The following SYN3 variants were observed in gnomAD, a reference collection of about 807,000 sequenced individuals.
SYN3 encodes synapsin-3.
A neutral mutation model predicts 65.8 loss-of-function variants in SYN3; 35 were observed. The ratio of observed to expected loss-of-function variants is 0.53; its 90% CI spans 0.41 to 0.70. The LOEUF (loss-of-function observed/expected upper bound fraction) is 0.70, where lower values mean the gene tolerates loss of function less well. Among genes scored for constraint, SYN3 ranks in the 30% least tolerant of loss-of-function variants. The pLI is 0.00. For synonymous variants in SYN3, 270 were observed against 292.9 expected (o/e 0.92, Z 0.80); for missense variants, 680 against 749.0 (o/e 0.91, Z 1.08).
At chr22:33,013,452 C>G (rs1222572339) in intron 1 of SYN3, among the ~76,000 whole-genome samples, 1 of 152,032 alleles carries the variant, frequency 6.6e-6, no homozygotes, top group Non-Finnish European at 1.5e-5. Context: ...AATTGACAAG[C>G]AATAATTATA....
At chr22:32,642,755 C>T (rs1223911220) in intron 6 of SYN3, among the ~76,000 whole-genome samples, 1 of 151,958 alleles carries the variant, frequency 6.6e-6, no homozygotes, top group Non-Finnish European at 1.5e-5. Context: ...ATGGGGGTCT[C>T]ACTATGTTGC....
At chr22:32,684,937 T>A (rs112228265) in intron 6 of SYN3, among the ~76,000 whole-genome samples, 1 of 152,148 alleles carries the variant, frequency 6.6e-6, no homozygotes, top group Non-Finnish European at 1.5e-5. Context: ...GAGGACGAAA[T>A]GAGATAAAGT....
chr22:32,544,024 G>A lies in SYN3; in HGVS notation c.775-2311C>T, dbSNP rs564034121. 8.5e-5 allele frequency among the ~76,000 whole-genome samples: 13 copies of A among 152,226 alleles called. No homozygotes were observed. The East Asian group carries it at 2.5e-3, about 30-fold the overall frequency. On this transcript the variant is annotated intron_variant, in intron 7 of 13. Coordinates refer to ENST00000358763, the MANE Select transcript of SYN3 (RefSeq NM_003490.4). ...CATGATCATGGCTCACTGCAGCCTT[G>A]ACTTCCTGAGCTCAAGCAATTCTCC...
intron 6 of SYN3, among the ~76,000 whole-genome samples, chr22:32,796,105 C>T (rs1268649503): frequency 6.6e-6 from 1 of 152,208 alleles, no homozygotes; most frequent in African/African-American, 2.4e-5. Context: ...ACTCCACGGG[C>T]ATAAGGAAGA....
chr22:32,903,362 A>T (rs536755663), intron 4 of SYN3, among the ~76,000 whole-genome samples: 5 of 152,284 alleles, frequency 3.3e-5, no homozygotes, highest in African/African-American at 9.6e-5. Flanking sequence ...TCGTTTTTTT[A>T]AAAAATACCC....
chr22:33,014,248 T>C (rs960202072), intron 1 of SYN3, among the ~76,000 whole-genome samples: 2 of 152,140 alleles, frequency 1.3e-5, no homozygotes, highest in East Asian at 1.9e-4. Flanking sequence ...TGGTATTCCA[T>C]CGTGTGTATA....
intron 6 of SYN3, among the ~76,000 whole-genome samples, chr22:32,612,958 AT>A (rs1317326859): frequency 6.6e-6 from 1 of 152,170 alleles, no homozygotes; most frequent in African/African-American, 2.4e-5. Context: ...TGATCGGATC[AT>A]GGGGGCAGAT....
intron 12 of SYN3, among the ~76,000 whole-genome samples, chr22:32,521,560 C>T (rs1009251456): frequency 6.7e-6 from 1 of 149,972 alleles, no homozygotes; most frequent in Non-Finnish European, 1.5e-5. Flanking sequence ...GATTCTCCTG[C>T]CTCAGCCTCT....
At chr22:32,869,368 C>G (rs2048782122) in intron 4 of SYN3, among the ~76,000 whole-genome samples, 1 of 97,942 alleles carries the variant, frequency 1.0e-5, no homozygotes. Context: ...CTCTCTCTCT[C>G]ACAGGCTCTT....
chr22:32,655,862 C>T (rs1231045333), intron 6 of SYN3, among the ~76,000 whole-genome samples: 1 of 152,162 alleles, frequency 6.6e-6, no homozygotes, highest in Non-Finnish European at 1.5e-5. Flanking sequence ...CCTCCCCATC[C>T]CTGGTCAGTG....
intron 6 of SYN3, among the ~76,000 whole-genome samples, chr22:32,764,461 C>T (rs934867859): frequency 6.6e-6 from 1 of 152,158 alleles, no homozygotes; most frequent in Non-Finnish European, 1.5e-5. Flanking sequence ...GACCCAACAG[C>T]CTCACTGCTG....
intron 6 of SYN3, among the ~76,000 whole-genome samples, chr22:32,598,085 T>C (rs1200391361): frequency 6.6e-6 from 1 of 152,214 alleles, no homozygotes; most frequent in African/African-American, 2.4e-5. Context: ...CTTCCTTCCA[T>C]GTGGACCATT....
At chr22:33,000,025 G>C (rs560599322) in intron 2 of SYN3, among the ~76,000 whole-genome samples, 1 of 152,240 alleles carries the variant, frequency 6.6e-6, no homozygotes, top group African/African-American at 2.4e-5. Flanking sequence ...AGAGAACTGA[G>C]TTTGATATCA....
At chr22:32,675,245 T>C (rs1285013704) in intron 6 of SYN3, among the ~76,000 whole-genome samples, 1 of 152,254 alleles carries the variant, frequency 6.6e-6, no homozygotes, top group East Asian at 1.9e-4. Context: ...CTTGTGGGTT[T>C]GTTAATTTAC....
At chr22:32,699,976 G>T (rs1000744111) in intron 6 of SYN3, among the ~76,000 whole-genome samples, 1 of 152,112 alleles carries the variant, frequency 6.6e-6, no homozygotes, top group South Asian at 2.1e-4. Context: ...GGGATAATGG[G>T]ACCAGAGAAG....
At chr22:32,917,741 G>A (rs1039186803) in intron 4 of SYN3, among the ~76,000 whole-genome samples, 1 of 152,244 alleles carries the variant, frequency 6.6e-6, no homozygotes, top group Non-Finnish European at 1.5e-5. Flanking sequence ...TGTCGGACCC[G>A]AGCTCTCTCT....
chr22:32,569,422 T>TCTATCTAC (rs1402228076), intron 7 of SYN3, among the ~76,000 whole-genome samples: 27 of 151,216 alleles, frequency 1.8e-4, no homozygotes, highest in Admixed American at 1.7e-3. Context: ...TATCTATCTA[T>TCTATCTAC]CTATCTATCT....
At chr22:32,809,372 T>C (rs954381300) in intron 6 of SYN3, among the ~76,000 whole-genome samples, 1 of 152,356 alleles carries the variant, frequency 6.6e-6, no homozygotes, top group South Asian at 2.1e-4. Flanking sequence ...GTCAGTCTGC[T>C]TATCTTTGGT....
intron 7 of SYN3, among the ~76,000 whole-genome samples, chr22:32,555,196 G>A (rs191763260): frequency 1.7e-4 from 26 of 152,260 alleles, no homozygotes; most frequent in African/African-American, 5.8e-4. Context: ...TGAGGTTGAT[G>A]CTGAAACTCA....
Sources: allele counts gnomAD v4.1 joint callset (sites outside exome capture counted in the v4.1 genomes callset), GRCh38; gene constraint gnomAD v4.1.1; transcripts MANE v1.5; gene names NCBI Gene and HGNC (gene_info 2026-07-23, HGNC 2026-07-21).